ZSCAN25: variants seen among roughly 807,000 people sequenced by gnomAD.
ZSCAN25 encodes the protein zinc finger and SCAN domain-containing protein 25.
In ZSCAN25, 27 loss-of-function variants were observed where a neutral mutation model predicts 38.7. The observed-to-expected ratio is 0.70, with a 90% CI of 0.51 to 0.96. The LOEUF (loss-of-function observed/expected upper bound fraction) is 0.96, where lower values mean the gene tolerates loss of function less well. ZSCAN25 is among the 40% of genes least tolerant of loss of function. The pLI is 0.00. For synonymous variants in ZSCAN25, 273 were observed against 277.7 expected, an observed-to-expected ratio of 0.98 and a Z score of 0.17; for missense variants, 637 against 705.9, an observed-to-expected ratio of 0.90 and a Z score of 1.11.
intron 7 of ZSCAN25, among the ~76,000 whole-genome samples, chr7:99,625,109 C>T (rs1316119367): frequency 6.6e-6 from 1 of 152,176 alleles, no homozygotes; most frequent in African/African-American, 2.4e-5. Context: ...CATCCTGCCC[C>T]TCCACTTGCT....
At chr7:99,626,899 A>G (rs1358993291) in intron 7 of ZSCAN25, among the ~76,000 whole-genome samples, 1 of 152,228 alleles carries the variant, frequency 6.6e-6, no homozygotes, top group African/African-American at 2.4e-5. Context: ...GCAGCACTCA[A>G]AACGGGTTTC....
At chr7:99,675,571 T>C in the ZSCAN25 span, among the ~76,000 whole-genome samples, 1 of 142,830 alleles carries the variant, frequency 7.0e-6, no homozygotes, top group Non-Finnish European at 1.5e-5. Flanking sequence ...AACCTGGCCA[T>C]GCTTTGGGTG....
the ZSCAN25 span, chr7:99,674,308 T>C: frequency 2.4e-6 from 1 of 411,156 alleles, no homozygotes; most frequent in Non-Finnish European, 4.3e-6. Context: ...CATCTTTGTC[T>C]TGTTTACCTC....
Position 99,619,776 on chromosome 7 carries a change from A to G in ZSCAN25, c.170A>G (p.Gln57Arg), listed in dbSNP as rs1806782610. 2 of 1,614,122 alleles carry G rather than the reference A, an allele frequency of 1.2e-6. No homozygotes were observed. Among genetic ancestry groups the G allele is most frequent in the Admixed American group, 1.7e-5 (1 of 60,002 alleles). ...QFRYQEAAGPQEALRELQELC... is the reference protein window; with the variant it reads ...QFRYQEAAGPREALRELQELC... Reference sequence around the variant, plus strand: ...CGCTACCAGGAGGCAGCTGGACCCCAGGAAGCTCTTAGGGAGCTCCAGGAG... The same window carrying G: ...CGCTACCAGGAGGCAGCTGGACCCCGGGAAGCTCTTAGGGAGCTCCAGGAG... The change falls in exon 4 of 8, where the codon CAG (glutamine) becomes CGG (arginine). Residue 57 changes from glutamine (Q) to arginine (R), a missense_variant. Transcript: ENST00000394152.
the ZSCAN25 span, among the ~76,000 whole-genome samples, chr7:99,656,290 A>G: frequency 6.6e-6 from 1 of 152,202 alleles, no homozygotes; most frequent in East Asian, 1.9e-4. Flanking sequence ...TTTAGCATGA[A>G]GGGCTGTTGA....
the ZSCAN25 span, among the ~76,000 whole-genome samples, chr7:99,726,692 C>T: frequency 2.0e-5 from 3 of 152,282 alleles, no homozygotes; most frequent in East Asian, 5.8e-4. Context: ...TACTTTCTTC[C>T]CATCCCTCTG....
the ZSCAN25 span, among the ~76,000 whole-genome samples, chr7:99,733,470 G>A: frequency 6.6e-6 from 1 of 152,158 alleles, no homozygotes; most frequent in East Asian, 1.9e-4. Flanking sequence ...GCATGTAATT[G>A]TATAGGCCTA....
At chr7:99,671,127 G>A in the ZSCAN25 span, 1 of 100,140 alleles carries the variant, frequency 1.0e-5, no homozygotes, top group East Asian at 3.0e-4. Flanking sequence ...TTGTGTGTGT[G>A]TGTGTGTGTG....
chr7:99,696,757 A>G, the ZSCAN25 span, among the ~76,000 whole-genome samples: 4 of 152,202 alleles, frequency 2.6e-5, no homozygotes, highest in Non-Finnish European at 5.9e-5. Flanking sequence ...TCATGTGGAA[A>G]TGTAATCCCC....
intron 6 of ZSCAN25, 27 bp from the exon 7 acceptor site, chr7:99,624,030 A>C (rs778131583): frequency 2.5e-6 from 4 of 1,613,948 alleles, no homozygotes; most frequent in Non-Finnish European, 3.4e-6. Context: ...TTCTTTCTTT[A>C]TTCATAGCAA....
the ZSCAN25 span, chr7:99,660,319 G>T: frequency 8.4e-7 from 1 of 1,193,342 alleles, no homozygotes; most frequent in Non-Finnish European, 1.0e-6. Context: ...TTATGCTTCT[G>T]CCAGTAGCAA....
chr7:99,705,765 G>C, the ZSCAN25 span, among the ~76,000 whole-genome samples: 1 of 152,298 alleles, frequency 6.6e-6, no homozygotes, highest in African/African-American at 2.4e-5. Flanking sequence ...GATGTGTGAA[G>C]ATTGGATAGT....
the ZSCAN25 span, chr7:99,650,185 A>G: frequency 6.2e-7 from 1 of 1,614,080 alleles, no homozygotes; most frequent in Admixed American, 1.7e-5. Context: ...TCCAGTTCCA[A>G]AGGGTGTGTA....
the ZSCAN25 span, among the ~76,000 whole-genome samples, chr7:99,642,125 G>C: frequency 6.6e-6 from 1 of 152,136 alleles, no homozygotes; most frequent in Non-Finnish European, 1.5e-5. Context: ...TTCTCTTCAT[G>C]TGAGTTCCTG....
the ZSCAN25 span, chr7:99,667,127 A>C: frequency 6.8e-7 from 1 of 1,474,718 alleles, no homozygotes; most frequent in Non-Finnish European, 9.4e-7. Flanking sequence ...GGTTGCACAA[A>C]ATATATTGAA....
chr7:99,635,971 C>T (rs1229918142), downstream of ZSCAN25, among the ~76,000 whole-genome samples: 4 of 145,940 alleles, frequency 2.7e-5, no homozygotes, highest in Admixed American at 1.4e-4. Context: ...GGCGTGAACC[C>T]GGGAGGCAGA....
intron 4 of ZSCAN25, 134 bp from the exon 5 acceptor site, chr7:99,621,239 A>G: frequency 1.4e-6 from 1 of 727,210 alleles, no homozygotes; most frequent in Non-Finnish European, 2.0e-6. Flanking sequence ...GGAAGAGCTC[A>G]GCTGATTTTT....
the ZSCAN25 span, among the ~76,000 whole-genome samples, chr7:99,670,251 G>A: frequency 6.6e-6 from 1 of 152,172 alleles, no homozygotes; most frequent in Non-Finnish European, 1.5e-5. Flanking sequence ...AGCATTTTTA[G>A]TGGGTTTGAC....
At chr7:99,642,682 C>T in the ZSCAN25 span, among the ~76,000 whole-genome samples, 19 of 152,310 alleles carry the variant, frequency 1.2e-4, no homozygotes, top group Admixed American at 4.6e-4. Context: ...TATTTTCTTA[C>T]GTAGATTTAT....
Sources: allele counts gnomAD v4.1 joint callset (sites outside exome capture counted in the v4.1 genomes callset), GRCh38; gene constraint gnomAD v4.1.1; transcripts MANE v1.5; gene names NCBI Gene and HGNC (gene_info 2026-07-23, HGNC 2026-07-21).